Variants in GALNT11 observed in about 807,000 individuals in gnomAD.
The protein encoded by GALNT11 is UDP-GalNAc:polypeptide N-acetylgalactosaminyltransferase 11.
GALNT11 carries 47 observed loss-of-function variants against 72.7 expected under a neutral mutation model. That is an observed-to-expected ratio of 0.65 (90% CI 0.51 to 0.82). The LOEUF (loss-of-function observed/expected upper bound fraction) is 0.82, where lower values mean the gene tolerates loss of function less well. GALNT11 is among the 40% of genes least tolerant of loss of function. The pLI is 0.00. For synonymous variants in GALNT11, 270 were observed against 286.6 expected (o/e 0.94, Z 0.58); for missense variants, 677 against 778.4 (o/e 0.87, Z 1.55).
intron 1 of GALNT11, among the ~76,000 whole-genome samples, chr7:152,058,487 C>G (rs2083818301): frequency 1.3e-5 from 2 of 152,112 alleles, no homozygotes; most frequent in East Asian, 3.9e-4. Context: ...GCATGCGTCA[C>G]CATACCCGGC....
intron 1 of GALNT11, among the ~76,000 whole-genome samples, chr7:152,059,617 C>T (rs2083890498): frequency 6.6e-6 from 1 of 152,124 alleles, no homozygotes; most frequent in South Asian, 2.1e-4. Flanking sequence ...ACATTTATCT[C>T]CTTGTATATA....
At chr7:152,075,931 G>A (rs1465933058) in intron 1 of GALNT11, among the ~76,000 whole-genome samples, 2 of 151,770 alleles carry the variant, frequency 1.3e-5, no homozygotes, top group Non-Finnish European at 2.9e-5. Flanking sequence ...CCGTGGTGGC[G>A]GACTCCTGTA....
intron 2 of GALNT11, among the ~76,000 whole-genome samples, chr7:152,096,429 A>G (rs984709888): frequency 5.3e-5 from 8 of 152,200 alleles, no homozygotes; most frequent in Non-Finnish European, 1.2e-4. Flanking sequence ...AAGAATGTGA[A>G]AAAAGGGCTG....
intron 1 of GALNT11, among the ~76,000 whole-genome samples, chr7:152,064,658 A>G (rs904996356): frequency 2.0e-5 from 3 of 152,138 alleles, no homozygotes; most frequent in Non-Finnish European, 2.9e-5. Context: ...GATGGTGACA[A>G]AATCTCTCAG....
intron 1 of GALNT11, among the ~76,000 whole-genome samples, chr7:152,085,072 A>G (rs2085561145): frequency 6.6e-6 from 1 of 152,154 alleles, no homozygotes; most frequent in South Asian, 2.1e-4. Context: ...AGGCCTATCC[A>G]CATTTTTCAT....
chr7:152,065,932 A>C (rs1376983306), intron 1 of GALNT11, among the ~76,000 whole-genome samples: 1 of 151,902 alleles, frequency 6.6e-6, no homozygotes. Context: ...CAGATCTTAA[A>C]CTCTGTGCTG....
At chr7:152,042,132 C>T (rs768130537) in intron 1 of GALNT11, among the ~76,000 whole-genome samples, 4 of 152,184 alleles carry the variant, frequency 2.6e-5, no homozygotes, top group Non-Finnish European at 5.9e-5. Context: ...CCAGTGAAAA[C>T]GTTTAGCAGG....
chr7:152,055,071 CG>C (rs1472396349), intron 1 of GALNT11, among the ~76,000 whole-genome samples: 3 of 152,102 alleles, frequency 2.0e-5, no homozygotes, highest in Non-Finnish European at 4.4e-5. Flanking sequence ...AAAGGCAGCG[CG>C]GGGGCAGAAT....
In GALNT11 at chr7:152,117,173, T is replaced by C. The variant is rs771042503; in HGVS notation, c.1250T>C (p.Leu417Ser). ...LDEYKEQYFSLRPDLKTKSYG... is the reference protein window; with the variant it reads ...LDEYKEQYFSSRPDLKTKSYG... ...TAAATTCAGGAGCAGTATTTTTCCT[T>C]AAGACCTGACCTGAAGACGAAAAGC... Residue 417 changes from leucine (L) to serine (S), a missense_variant, in exon 9 of 12, where the codon TTA (leucine) becomes TCA (serine). Leu to Ser is a moderately radical substitution (Grantham distance 145). Transcript: ENST00000430044. The C allele has an allele frequency of 6.3e-7, 1 of 1,599,982 alleles. No homozygotes were observed. Among genetic ancestry groups the C allele is most frequent in the South Asian group, 1.1e-5 (1 of 87,326 alleles).
At chr7:152,076,000 T>A (rs1330497867) in intron 1 of GALNT11, among the ~76,000 whole-genome samples, 1 of 138,180 alleles carries the variant, frequency 7.2e-6, no homozygotes, top group African/African-American at 2.8e-5. Flanking sequence ...AGGTGGAGCT[T>A]GCAGTGAGCC....
intron 1 of GALNT11, among the ~76,000 whole-genome samples, chr7:152,027,245 T>A (rs772316228): frequency 6.6e-6 from 1 of 152,308 alleles, no homozygotes; most frequent in Non-Finnish European, 1.5e-5. Context: ...CGAGACTCCA[T>A]CTCAAAAAAA....
chr7:152,108,513 G>A (rs564655304), intron 6 of GALNT11, among the ~76,000 whole-genome samples: 1 of 152,366 alleles, frequency 6.6e-6, no homozygotes, highest in African/African-American at 2.4e-5. Flanking sequence ...TAGAGCCTGT[G>A]AGAAGAGCAG....
At chr7:152,053,824 C>T (rs148105048) in intron 1 of GALNT11, among the ~76,000 whole-genome samples, 2 of 152,130 alleles carry the variant, frequency 1.3e-5, no homozygotes, top group Admixed American at 6.5e-5. Flanking sequence ...ATAAATAAAC[C>T]TTTTGTCTGC....
chr7:152,044,070 A>T (rs2083001832), intron 1 of GALNT11, among the ~76,000 whole-genome samples: 1 of 152,076 alleles, frequency 6.6e-6, no homozygotes, highest in Non-Finnish European at 1.5e-5. Flanking sequence ...GGTCGTGGAG[A>T]CCCTAACCCA....
intron 1 of GALNT11, among the ~76,000 whole-genome samples, chr7:152,042,275 A>G (rs562067193): frequency 1.3e-5 from 2 of 152,110 alleles, no homozygotes; most frequent in South Asian, 2.1e-4. Context: ...GAATCATAGC[A>G]GGAGAAGGCA....
intron 1 of GALNT11, among the ~76,000 whole-genome samples, chr7:152,028,160 G>A (rs185063844): frequency 6.6e-6 from 1 of 152,202 alleles, no homozygotes; most frequent in African/African-American, 2.4e-5. Context: ...CATGGAAGGG[G>A]ACCCGAGCAG....
intron 1 of GALNT11, among the ~76,000 whole-genome samples, chr7:152,029,809 G>C (rs1051290069): frequency 5.3e-5 from 8 of 152,224 alleles, no homozygotes; most frequent in Non-Finnish European, 7.3e-5. Flanking sequence ...GTTCCTCCTA[G>C]ATCTGGTCGG....
Position 152,094,717 on chromosome 7 carries a change from T to C in GALNT11, c.295+195T>C, listed in dbSNP as rs551992834. Among the ~76,000 whole-genome samples, 1 of 152,330 alleles carries C rather than the reference T, an allele frequency of 6.6e-6. No individual in the cohort carries two copies. Among genetic ancestry groups the C allele is most frequent in the East Asian group, 1.9e-4 (1 of 5,184 alleles). On this transcript the variant is annotated intron_variant, in intron 2 of 11. Transcript: ENST00000430044. This position sits in a 1 kb window ranked among gnomAD's most constrained non-coding sequence, Gnocchi z 4.3. ...ATATTCTAATTTATCCAGTTCTGAC[T>C]TCAGTATCTTATGAGAAAACAAACA...
At chr7:152,103,563 G>T (rs771054761) in intron 4 of GALNT11, 3 of 327,062 alleles carry the variant, frequency 9.2e-6, no homozygotes, top group Non-Finnish European at 1.2e-5. Flanking sequence ...AAGTTACAAA[G>T]ACGGCCTATG....
Sources: allele counts gnomAD v4.1 joint callset (sites outside exome capture counted in the v4.1 genomes callset), GRCh38; gene constraint gnomAD v4.1.1; non-coding constraint Gnocchi (gnomAD v3.1); transcripts MANE v1.5; gene names NCBI Gene and HGNC (gene_info 2026-07-23, HGNC 2026-07-21).